MEGF11: variants seen among roughly 807,000 people sequenced by gnomAD.
MEGF11 encodes the protein multiple epidermal growth factor-like domains protein 11.
In MEGF11, 126 loss-of-function variants were observed where a neutral mutation model predicts 146.6. The ratio of observed to expected loss-of-function variants is 0.86; its 90% CI spans 0.74 to 1.00. The LOEUF (loss-of-function observed/expected upper bound fraction) is 1.00. Among genes scored for constraint, MEGF11 ranks in the 50% least tolerant of loss-of-function variants. MEGF11 has a pLI of 0.00. For synonymous variants in MEGF11, 532 were observed against 583.4 expected, an observed-to-expected ratio of 0.91 and a Z score of 1.27; for missense variants, 1,509 against 1,521.2, an observed-to-expected ratio of 0.99 and a Z score of 0.13.
chr15:66,097,817 C>T (rs544998962), intron 4 of MEGF11, among the ~76,000 whole-genome samples: 2 of 151,868 alleles, frequency 1.3e-5, no homozygotes, highest in Non-Finnish European at 2.9e-5. Flanking sequence ...GGAGCCAAGC[C>T]GAGGTTTGCA....
chr15:66,117,421 G>A (rs918742177), intron 4 of MEGF11, among the ~76,000 whole-genome samples: 1 of 152,180 alleles, frequency 6.6e-6, no homozygotes, highest in Non-Finnish European at 1.5e-5. Context: ...AACTGCCCTT[G>A]CCAGTCAGCA....
chr15:66,044,405 T>C (rs2084112437), intron 5 of MEGF11, among the ~76,000 whole-genome samples: 1 of 152,142 alleles, frequency 6.6e-6, no homozygotes, highest in African/African-American at 2.4e-5. Context: ...CCAGTCCACA[T>C]TGTGAACTTC....
intron 4 of MEGF11, among the ~76,000 whole-genome samples, chr15:66,095,784 C>T (rs1227289748): frequency 6.6e-6 from 1 of 152,162 alleles, no homozygotes; most frequent in African/African-American, 2.4e-5. Flanking sequence ...CTGGAGATCC[C>T]TAGTACCTGG....
At chr15:65,909,307 C>G (rs1458338860) in intron 22 of MEGF11, among the ~76,000 whole-genome samples, 172 bp from the exon 23 acceptor site, 1 of 152,020 alleles carries the variant, frequency 6.6e-6, no homozygotes, top group Non-Finnish European at 1.5e-5. Flanking sequence ...GCCAGGGGCT[C>G]TGTTAGAGCC....
chr15:66,048,355 A>G (rs1009096657), intron 5 of MEGF11, among the ~76,000 whole-genome samples: 2 of 152,222 alleles, frequency 1.3e-5, no homozygotes, highest in South Asian at 4.1e-4. Flanking sequence ...ATCCTGCACT[A>G]TGTCACCAAG....
At chr15:66,113,794 T>A (rs1485684372) in intron 4 of MEGF11, among the ~76,000 whole-genome samples, 2 of 151,580 alleles carry the variant, frequency 1.3e-5, no homozygotes, top group African/African-American at 2.4e-5. Context: ...GGCAGGAGAA[T>A]GGTGTGAACC....
At chr15:65,911,554 G>A (rs1263659843) in intron 21 of MEGF11, among the ~76,000 whole-genome samples, 2 of 152,200 alleles carry the variant, frequency 1.3e-5, no homozygotes, top group African/African-American at 4.8e-5. Context: ...TGGGACTACA[G>A]GCGTATGCCA....
intron 2 of MEGF11, among the ~76,000 whole-genome samples, chr15:66,125,253 T>C (rs2088280219): frequency 6.6e-6 from 1 of 152,122 alleles, no homozygotes; most frequent in African/African-American, 2.4e-5. Flanking sequence ...ACCTGAGATA[T>C]GCCTCAGAGG....
chr15:66,189,867 T>G (rs2090823397), intron 1 of MEGF11, among the ~76,000 whole-genome samples: 1 of 152,060 alleles, frequency 6.6e-6, no homozygotes, highest in Non-Finnish European at 1.5e-5. Context: ...AGCAATCGTA[T>G]TCTTCTCAGG....
intron 10 of MEGF11, among the ~76,000 whole-genome samples, chr15:65,948,231 A>G (rs954461992): frequency 6.6e-6 from 1 of 151,878 alleles, no homozygotes; most frequent in African/African-American, 2.4e-5. Flanking sequence ...GTAGGCTGGG[A>G]GTCATGTCGC....
intron 2 of MEGF11, among the ~76,000 whole-genome samples, chr15:66,127,865 A>AG (rs1418549946): frequency 2.6e-5 from 4 of 152,112 alleles, no homozygotes; most frequent in Non-Finnish European, 5.9e-5. Context: ...TCCTCAGGGC[A>AG]GGCTGCTGGG....
At chr15:66,188,165 A>G (rs2090764056) in intron 1 of MEGF11, among the ~76,000 whole-genome samples, 2 of 151,904 alleles carry the variant, frequency 1.3e-5, no homozygotes, top group Non-Finnish European at 2.9e-5. Context: ...AAACAACACA[A>G]TTGTCCAGAG....
intron 21 of MEGF11, 66 bp from the exon 22 acceptor site, chr15:65,909,872 T>G (rs2078744204): frequency 7.3e-7 from 1 of 1,379,238 alleles, no homozygotes. Flanking sequence ...AGTCTTCACT[T>G]TGCGTAGCTT....
At chr15:65,989,352 C>T (rs974594771) in intron 5 of MEGF11, among the ~76,000 whole-genome samples, 1 of 152,214 alleles carries the variant, frequency 6.6e-6, no homozygotes, top group Admixed American at 6.5e-5. Context: ...GTACTAAGGA[C>T]TGGGCCAAGG....
At chr15:66,089,405 A>G (rs1356350561) in intron 5 of MEGF11, among the ~76,000 whole-genome samples, 1 of 152,196 alleles carries the variant, frequency 6.6e-6, no homozygotes, top group African/African-American at 2.4e-5. Flanking sequence ...GGAATACATG[A>G]TAACGTGGAA....
At chr15:65,951,866 G>C (rs1451826876) in intron 10 of MEGF11, among the ~76,000 whole-genome samples, 1 of 151,938 alleles carries the variant, frequency 6.6e-6, no homozygotes, top group African/African-American at 2.4e-5. Context: ...GCTGGGCATG[G>C]TGGTACATGC....
At chr15:66,013,841 A>C (rs1483325266) in intron 5 of MEGF11, among the ~76,000 whole-genome samples, 1 of 152,218 alleles carries the variant, frequency 6.6e-6, no homozygotes, top group Non-Finnish European at 1.5e-5. Context: ...TTCCAGTTGG[A>C]TACAGGCTGA....
At chr15:66,104,376 G>A (rs1189989097) in intron 4 of MEGF11, among the ~76,000 whole-genome samples, 1 of 152,176 alleles carries the variant, frequency 6.6e-6, no homozygotes, top group Non-Finnish European at 1.5e-5. Context: ...CCTGCCCTGG[G>A]AAAGCTTAGG....
chr15:66,209,478 T>A (rs1402367785), intron 1 of MEGF11, among the ~76,000 whole-genome samples: 2 of 152,224 alleles, frequency 1.3e-5, no homozygotes, highest in East Asian at 3.8e-4. Context: ...GATAGTAGCT[T>A]TATTTGTAAC....
Sources: gnomAD v4.1 joint callset for allele counts (sites outside exome capture counted in the v4.1 genomes callset) on GRCh38, gnomAD v4.1.1 for gene constraint, MANE v1.5 for transcripts, NCBI Gene and HGNC (gene_info 2026-07-23, HGNC 2026-07-21) for gene names.